The following MGST1 variants were observed in gnomAD, a reference collection of about 807,000 sequenced individuals.
MGST1 encodes glutathione S-transferase 12.
MGST1 carries 5 observed loss-of-function variants against 8.9 expected under a neutral mutation model. The ratio of observed to expected loss-of-function variants is 0.56; its 90% CI spans 0.29 to 1.19. The LOEUF is 1.19. Among genes scored for constraint, MGST1 ranks in the 50% most tolerant of loss-of-function variants. MGST1 has a pLI of 0.08. For missense variants in MGST1, 182 were observed against 187.4 expected (o/e 0.97, Z 0.17); for synonymous variants, 54 against 67.8 (o/e 0.80, Z 1.00).
chr12:16,400,805 A>G (rs1412818206), intron 1 of MGST1: 3 of 1,239,502 alleles, frequency 2.4e-6, no homozygotes, highest in African/African-American at 1.5e-5. Flanking sequence ...AAACACAGGC[A>G]TTATTACAGT....
intron 4 of MGST1, among the ~76,000 whole-genome samples, chr12:16,463,756 G>A (rs1301685225): frequency 1.3e-5 from 2 of 152,032 alleles, no homozygotes; most frequent in African/African-American, 4.8e-5. Flanking sequence ...CCTACGTAGT[G>A]TGAAAATAAG....
In MGST1 at chr12:16,497,104, T is replaced by C. The variant is rs1941475524; in HGVS notation, n.483-92424T>C. Among the ~76,000 whole-genome samples the C allele has an allele frequency of 6.6e-6, 1 of 152,146 alleles. No individual in the cohort carries two copies. The highest frequency in any genetic ancestry group is 6.6e-5 in the Admixed American group (1 of 15,256). On this transcript the variant is annotated intron_variant and non_coding_transcript_variant, in intron 4 of 4. Coordinates refer to the MGST1 transcript ENST00000538857. This position sits in a 1 kb window ranked among gnomAD's most constrained non-coding sequence, Gnocchi z 4.4. ...GAAGAGAAAGAAATATTTAATCCTATGCCAGAAGGGAAAAGATGAGAACCA... is the reference window on the plus strand; with the variant it reads ...GAAGAGAAAGAAATATTTAATCCTACGCCAGAAGGGAAAAGATGAGAACCA...
In MGST1 at chr12:16,389,435, CT is replaced by C. The variant is rs1480840039; in HGVS notation, n.778+5837del. Reference sequence around the variant, plus strand: ...TAAAATAAATAAGGTCTCTTTTTGTCTTTTTTGTGATTCCATGGGTCGGGTC... The same window carrying C: ...TAAAATAAATAAGGTCTCTTTTTGTCTTTTTGTGATTCCATGGGTCGGGTC... On this transcript the variant is annotated intron_variant and non_coding_transcript_variant, in intron 1 of 1. Transcript: ENST00000359720. This position sits in a 1 kb window ranked among gnomAD's most constrained non-coding sequence, Gnocchi z 4.6. Among the ~76,000 whole-genome samples, 2 of 152,220 alleles carry C rather than the reference CT, an allele frequency of 1.3e-5. No individual in the cohort carries two copies. The highest frequency in any genetic ancestry group is 3.9e-4 in the East Asian group (2 of 5,168).
intron 1 of MGST1, among the ~76,000 whole-genome samples, chr12:16,349,375 G>C (rs185714212): frequency 6.6e-6 from 1 of 152,092 alleles, no homozygotes; most frequent in African/African-American, 2.4e-5. Flanking sequence ...GGGGGTTTGG[G>C]GGGAGGGGTA....
At chr12:16,483,029 A>G (rs1941375334) in intron 4 of MGST1, among the ~76,000 whole-genome samples, 1 of 152,240 alleles carries the variant, frequency 6.6e-6, no homozygotes, top group Non-Finnish European at 1.5e-5. Flanking sequence ...GGATAGCTAC[A>G]TAGCTTATTT....
rs376619616 is a variant in MGST1 at position 16,362,432 on chromosome 12, C to G, written c.222-1363C>G. 1 of 151,622 alleles carries G rather than the reference C, an allele frequency of 6.6e-6. No individual in the cohort carries two copies. Among genetic ancestry groups the G allele is most frequent in the Non-Finnish European group, 1.5e-5 (1 of 67,994 alleles). 9.4% of individuals were successfully genotyped at this position (151,622 alleles called of 1,614,324 possible). On this transcript the variant is annotated intron_variant, in intron 3 of 3. Transcript: ENST00000396210. The surrounding 1 kb of genome is among the most constrained non-coding windows in gnomAD (Gnocchi z 4.4). ...TAGAGATAATCTAGGGAAGACAAGA[C>G]AAAGGAAAGGAGAGGAGGAGAGTGA... is the stretch of plus-strand genomic sequence containing the variant.
intron 1 of MGST1, among the ~76,000 whole-genome samples, chr12:16,349,931 A>G (rs1939385727): frequency 1.3e-5 from 2 of 152,044 alleles, no homozygotes; most frequent in African/African-American, 4.8e-5. Flanking sequence ...TTTTTAATAG[A>G]GACGGGGTTT....
chr12:16,412,046 T>A (rs1940746532), intron 1 of MGST1, among the ~76,000 whole-genome samples: 1 of 152,186 alleles, frequency 6.6e-6, no homozygotes. Flanking sequence ...AAAAAATTAG[T>A]CACTATTATT....
chr12:16,432,723 C>G (rs1229917686), intron 1 of MGST1, among the ~76,000 whole-genome samples: 37 of 124,184 alleles, frequency 3.0e-4, no homozygotes, highest in African/African-American at 1.1e-3. Flanking sequence ...CACACACACA[C>G]ACACACACAG....
intron 1 of MGST1, among the ~76,000 whole-genome samples, chr12:16,402,846 G>A (rs987984711): frequency 8.0e-5 from 12 of 150,502 alleles, no homozygotes; most frequent in East Asian, 7.8e-4. Context: ...ACTGTTTGCC[G>A]CATTATGTCC....
intron 4 of MGST1, among the ~76,000 whole-genome samples, chr12:16,532,954 T>C (rs756245755): frequency 2.4e-4 from 36 of 152,160 alleles, no homozygotes; most frequent in Non-Finnish European, 4.4e-4. Flanking sequence ...TTAACAAAGC[T>C]AATAAGAAAT....
intron 4 of MGST1, among the ~76,000 whole-genome samples, chr12:16,454,053 T>C (rs555732905): frequency 6.6e-6 from 1 of 152,064 alleles, no homozygotes; most frequent in East Asian, 1.9e-4. Flanking sequence ...GTAGGAACTT[T>C]AGAAACCTAT....
In MGST1 at chr12:16,364,215, G is replaced by T; in HGVS notation, c.*174G>T. ...ATCCTGTATTCTTGTTTTACATTTG[G>T]ATTAGAAATTTAACATAGTAATTCT... On this transcript the variant is annotated 3_prime_UTR_variant, in exon 4 of 4. Transcript: ENST00000396210. This position sits in a 1 kb window ranked among gnomAD's most constrained non-coding sequence, Gnocchi z 5.7. 7.8e-7 allele frequency: 1 copy of T among 1,279,508 alleles called. No individual in the cohort carries two copies. The highest frequency in any genetic ancestry group is 9.9e-7 in the Non-Finnish European group (1 of 1,012,516). The allele number at this position is 1,279,508 out of a possible 1,614,324, so 79.3% of individuals were successfully genotyped here.
intron 4 of MGST1, among the ~76,000 whole-genome samples, chr12:16,553,478 C>T (rs1183710152): frequency 1.3e-5 from 2 of 151,980 alleles, no homozygotes; most frequent in Non-Finnish European, 2.9e-5. Context: ...AGAGGCAGAG[C>T]GAGAGAGAGA....
Position 16,410,568 on chromosome 12 carries a change from G to A in MGST1, n.779-26820G>A, listed in dbSNP as rs117385425. Among the ~76,000 whole-genome samples, 640 of 147,892 alleles carry A rather than the reference G, an allele frequency of 4.3e-3. 11 individuals are homozygous for A. Among genetic ancestry groups the A allele is most frequent in the Admixed American group, 0.015 (226 of 14,714 alleles). ...TATGTTTATACACTATTATATGTAC[G>A]TAATATATATTTTTACACATACATA... is the stretch of plus-strand genomic sequence containing the variant. On this transcript the variant is annotated intron_variant and non_coding_transcript_variant, in intron 1 of 1. Transcript: ENST00000359720. The surrounding 1 kb of genome is among the most constrained non-coding windows in gnomAD (Gnocchi z 4.4).
rs946210946 is a variant in MGST1 at position 16,513,489 on chromosome 12, G to T, written n.483-76039G>T. 2 of 454,224 alleles carry T rather than the reference G, an allele frequency of 4.4e-6. No homozygotes were observed. The highest frequency in any genetic ancestry group is 2.0e-5 in the African/African-American group (1 of 49,348). The allele number at this position is 454,224 out of a possible 1,614,324, so 28.1% of individuals were successfully genotyped here. On this transcript the variant is annotated intron_variant and non_coding_transcript_variant, in intron 4 of 4. Coordinates refer to the MGST1 transcript ENST00000538857. This position sits in a 1 kb window ranked among gnomAD's most constrained non-coding sequence, Gnocchi z 4.2. ...CCCCTGCCAGAGCCAGCTCCTGGTG[G>T]ACCCATGTGGAGATGGGACCACCAG...
rs1940259022 is a variant in MGST1, at chr12:16,369,736, G to A, written c.222-6386G>A. 6.6e-6 allele frequency: 1 copy of A among 152,206 alleles called. No homozygotes were observed. Among genetic ancestry groups the A allele is most frequent in the Non-Finnish European group, 1.5e-5 (1 of 68,038 alleles). The allele number at this position is 152,206 out of a possible 1,614,324, so 9.4% of individuals were successfully genotyped here. On this transcript the variant is annotated intron_variant, in intron 3 of 3. Coordinates refer to the MGST1 transcript ENST00000535309. This position sits in a 1 kb window ranked among gnomAD's most constrained non-coding sequence, Gnocchi z 4.8. ...AAACCAAAAATATTTACTCTCTGGT[G>A]TTTTACAGAAAGTTTTCTGATTCTT...
chr12:16,433,767 T>C, intron 1 of MGST1, among the ~76,000 whole-genome samples: 1 of 152,046 alleles, frequency 6.6e-6, no homozygotes, highest in Non-Finnish European at 1.5e-5. Flanking sequence ...ACATCACACA[T>C]ACACATCCCA....
downstream of MGST1, among the ~76,000 whole-genome samples, chr12:16,442,898 G>T (rs951419880): frequency 6.6e-6 from 1 of 151,578 alleles, no homozygotes; most frequent in Admixed American, 6.6e-5. The surrounding 1 kb of genome is among the most constrained non-coding windows in gnomAD (Gnocchi z 4.5). Flanking sequence ...GTGTCATATT[G>T]TTCTAATCTT....
Sources: allele counts gnomAD v4.1 joint callset (sites outside exome capture counted in the v4.1 genomes callset), GRCh38; gene constraint gnomAD v4.1.1; non-coding constraint Gnocchi (gnomAD v3.1); transcripts MANE v1.5; gene names NCBI Gene and HGNC (gene_info 2026-07-23, HGNC 2026-07-21).